Variants in GBE1 observed in about 807,000 individuals in gnomAD.
GBE1 encodes 1,4-alpha-glucan branching enzyme 1.
Under a neutral mutation model 88.8 loss-of-function variants are expected in GBE1, and 70 were observed. That is an observed-to-expected ratio of 0.79 (90% confidence interval 0.65 to 0.96). The LOEUF is 0.96. GBE1 is among the 40% of genes least tolerant of loss of function. GBE1 has a pLI of 0.00. For synonymous variants in GBE1, 284 were observed against 300.1 expected, an observed-to-expected ratio of 0.95 and a Z score of 0.56; for missense variants, 872 against 871.0, an observed-to-expected ratio of 1.00 and a Z score of -0.01.
chr3:81,726,329 T>C (rs992466595), intron 1 of GBE1, among the ~76,000 whole-genome samples: 6 of 152,064 alleles, frequency 3.9e-5, no homozygotes, highest in African/African-American at 1.4e-4. Context: ...TTTTAGTATT[T>C]ATTGTTTGTG....
intron 3 of GBE1, among the ~76,000 whole-genome samples, chr3:81,658,977 T>C (rs939185270): frequency 3.9e-5 from 6 of 152,166 alleles, no homozygotes; most frequent in African/African-American, 1.4e-4. Context: ...TACAAAAATA[T>C]GGGATTTAAA....
chr3:81,575,470 C>T (rs942765733), intron 12 of GBE1, among the ~76,000 whole-genome samples: 7 of 152,064 alleles, frequency 4.6e-5, no homozygotes, highest in African/African-American at 1.7e-4. Flanking sequence ...ATCTTAATGA[C>T]TTTTGATAAA....
chr3:81,506,464 T>C (rs1460985509), intron 14 of GBE1, among the ~76,000 whole-genome samples: 1 of 152,148 alleles, frequency 6.6e-6, no homozygotes, highest in Non-Finnish European at 1.5e-5. Context: ...AGGAAAGATA[T>C]ATTCCTACCA....
At chr3:81,494,604 A>T (rs1231409536) in intron 15 of GBE1, among the ~76,000 whole-genome samples, 1 of 152,196 alleles carries the variant, frequency 6.6e-6, no homozygotes, top group Non-Finnish European at 1.5e-5. Flanking sequence ...TGTAAGCCCT[A>T]AACATTTTAT....
intron 1 of GBE1, among the ~76,000 whole-genome samples, chr3:81,747,439 C>G (rs367635951): frequency 5.3e-5 from 8 of 152,256 alleles, no homozygotes; most frequent in African/African-American, 1.9e-4. Context: ...CCAGCACTTT[C>G]GGAGTCTGAG....
chr3:81,678,449 T>C (rs980561720), intron 2 of GBE1, among the ~76,000 whole-genome samples: 2 of 152,196 alleles, frequency 1.3e-5, no homozygotes, highest in African/African-American at 4.8e-5. Flanking sequence ...AGTATGTGTC[T>C]TTATTTCTAA....
At chr3:81,746,760 T>C (rs1300291727) in intron 1 of GBE1, among the ~76,000 whole-genome samples, 1 of 152,104 alleles carries the variant, frequency 6.6e-6, no homozygotes, top group East Asian at 1.9e-4. Context: ...AACCTTAACA[T>C]GAGGCACCTA....
intron 12 of GBE1, among the ~76,000 whole-genome samples, chr3:81,560,499 T>G (rs1213702108): frequency 6.6e-6 from 1 of 151,972 alleles, no homozygotes; most frequent in Non-Finnish European, 1.5e-5. Context: ...CATGAAAATT[T>G]TATCTATGAC....
intron 14 of GBE1, among the ~76,000 whole-genome samples, chr3:81,519,696 G>GA (rs550361729): frequency 2.3e-4 from 35 of 149,442 alleles, no homozygotes; most frequent in African/African-American, 7.1e-4. Context: ...CTAGAATACA[G>GA]AAAAAAAAAT....
intron 7 of GBE1, among the ~76,000 whole-genome samples, chr3:81,600,313 T>C (rs1290296345): frequency 6.6e-6 from 1 of 152,118 alleles, no homozygotes; most frequent in East Asian, 1.9e-4. Flanking sequence ...ATTATAATAA[T>C]TTTATGATTG....
intron 3 of GBE1, among the ~76,000 whole-genome samples, chr3:81,663,530 A>G (rs1705060316): frequency 6.6e-6 from 1 of 152,146 alleles, no homozygotes; most frequent in South Asian, 2.1e-4. Context: ...GCAGAGAGCT[A>G]CTTCCACTCG....
chr3:81,750,358 G>A (rs1441579919), intron 1 of GBE1, among the ~76,000 whole-genome samples: 1 of 150,914 alleles, frequency 6.6e-6, no homozygotes, highest in Non-Finnish European at 1.5e-5. Context: ...ATGCTTTAAA[G>A]ACTTAGCATA....
chr3:81,737,175 C>T (rs1002786293), intron 1 of GBE1, among the ~76,000 whole-genome samples: 4 of 149,528 alleles, frequency 2.7e-5, no homozygotes, highest in Non-Finnish European at 5.9e-5. Flanking sequence ...TGGTAATCTC[C>T]ACGTGTAAAT....
chr3:81,502,581 A>C (rs1702602857), intron 14 of GBE1, among the ~76,000 whole-genome samples: 1 of 152,212 alleles, frequency 6.6e-6, no homozygotes, highest in African/African-American at 2.4e-5. Context: ...AGAGCTTTAT[A>C]ATTGTGAATT....
intron 7 of GBE1, among the ~76,000 whole-genome samples, chr3:81,606,932 G>A (rs145626631): frequency 0.012 from 1,784 of 152,218 alleles, 37 homozygotes; most frequent in African/African-American, 0.04. Flanking sequence ...CAGATGTCAC[G>A]TTTATTTAGT....
chr3:81,552,830 G>C (rs1703290795), intron 12 of GBE1, among the ~76,000 whole-genome samples: 4 of 152,052 alleles, frequency 2.6e-5, no homozygotes, highest in African/African-American at 9.7e-5. Flanking sequence ...CATTTATTGA[G>C]AGCCTCCTAT....
chr3:81,747,858 G>A (rs1706439022), intron 1 of GBE1, among the ~76,000 whole-genome samples: 1 of 151,176 alleles, frequency 6.6e-6, no homozygotes, highest in Non-Finnish European at 1.5e-5. Flanking sequence ...CCTATAAAAC[G>A]GCCCCACCCT....
intron 1 of GBE1, among the ~76,000 whole-genome samples, chr3:81,739,929 T>G (rs1706321858): frequency 6.6e-6 from 1 of 151,998 alleles, no homozygotes; most frequent in South Asian, 2.1e-4. Context: ...AATAAACAAT[T>G]AAAAATAAAA....
At position 81,608,655 on chromosome 3, in the gene GBE1, CTTAAGA is replaced by C. The variant is rs1704133533; in HGVS notation, c.993-14638_993-14633del. Among the ~76,000 whole-genome samples the C allele has an allele frequency of 2.0e-5, 3 of 152,188 alleles. No homozygotes were observed. In the South Asian group the frequency reaches 6.2e-4, roughly 32 times the overall value. ...TCAGTTATGATATATCTGTTAACTC[CTTAAGA>C]TGATTTCCTCTCCCCTTTGGCTGCT... On this transcript the variant is annotated intron_variant, in intron 7 of 15. Coordinates refer to ENST00000429644, the MANE Select transcript of GBE1 (RefSeq NM_000158.4).
Sources: gnomAD v4.1 joint callset for allele counts (sites outside exome capture counted in the v4.1 genomes callset) on GRCh38, gnomAD v4.1.1 for gene constraint, MANE v1.5 for transcripts, NCBI Gene and HGNC (gene_info 2026-07-23, HGNC 2026-07-21) for gene names.